Variants in NLGN4X observed in about 807,000 individuals in gnomAD.
The protein encoded by NLGN4X is neuroligin-4, X-linked.
NLGN4X carries 3 observed loss-of-function variants against 40.3 expected under a neutral mutation model. The observed-to-expected ratio is 0.07, with a 90% CI of 0.03 to 0.19. The LOEUF is 0.19. Among genes scored for constraint, NLGN4X ranks in the 10% least tolerant of loss-of-function variants. The probability of loss-of-function intolerance (pLI) is 1.00; values close to 1 mark genes in which losing one functional copy is unlikely to be tolerated. For synonymous variants in NLGN4X, 270 were observed against 306.8 expected, an observed-to-expected ratio of 0.88 and a Z score of 1.25; for missense variants, 382 against 708.3, an observed-to-expected ratio of 0.54 and a Z score of 5.23.
chrX:6,200,486 G>A (rs1444723434), intron 1 of NLGN4X, among the ~76,000 whole-genome samples: 4 of 110,710 alleles, frequency 3.6e-5, no homozygotes, highest in Non-Finnish European at 7.6e-5. Flanking sequence ...GAGGCTTACT[G>A]TATAAAAGTG....
At chrX:6,150,293 G>A (rs5961408) in intron 2 of NLGN4X, among the ~76,000 whole-genome samples, 8,650 of 111,666 alleles carry the variant, frequency 0.077, 240 homozygotes, top group East Asian at 0.15. Context: ...TATATTAAAC[G>A]TTATTGTGTC....
intron 2 of NLGN4X, among the ~76,000 whole-genome samples, chrX:6,084,528 A>G (rs2038448637): frequency 9.0e-6 from 1 of 111,716 alleles, no homozygotes; most frequent in South Asian, 3.7e-4. Flanking sequence ...AGATATAATG[A>G]AAACAAAAAA....
At chrX:6,027,652 GA>G (rs34369385) in intron 3 of NLGN4X, among the ~76,000 whole-genome samples, 18,792 of 99,397 alleles carry the variant, frequency 0.19, 1,317 homozygotes, top group African/African-American at 0.2. Flanking sequence ...TTTCACATAG[GA>G]AAAAAAAAAA....
At chrX:6,050,769 G>GTCCATCTATCTA (rs1226839921) in intron 2 of NLGN4X, among the ~76,000 whole-genome samples, 1 of 70,119 alleles carries the variant, frequency 1.4e-5, no homozygotes, top group African/African-American at 5.3e-5. Flanking sequence ...ATGTCTGTCT[G>GTCCATCTATCTA]TCTGTCCATC....
intron 5 of NLGN4X, among the ~76,000 whole-genome samples, chrX:5,901,747 T>C (rs2031880462): frequency 9.2e-6 from 1 of 108,692 alleles, no homozygotes; most frequent in Non-Finnish European, 1.9e-5. Flanking sequence ...TCTAGTTATT[T>C]ATATAGCAGA....
At chrX:5,940,191 C>A (rs1390936876) in intron 3 of NLGN4X, among the ~76,000 whole-genome samples, 1 of 111,487 alleles carries the variant, frequency 9.0e-6, no homozygotes, top group African/African-American at 3.3e-5. Context: ...ATTTCTGATA[C>A]TGGCTTATTG....
intron 2 of NLGN4X, among the ~76,000 whole-genome samples, chrX:6,032,309 A>T (rs1363131760): frequency 2.0e-5 from 2 of 99,494 alleles, no homozygotes; most frequent in African/African-American, 7.2e-5. Flanking sequence ...CAAAGCTCCA[A>T]AGTAGTATAT....
intron 1 of NLGN4X, among the ~76,000 whole-genome samples, chrX:6,159,299 T>C (rs1325500005): frequency 8.9e-6 from 1 of 111,845 alleles, no homozygotes. Context: ...ACAGTGGGAA[T>C]GTTCTCTTTC....
intron 1 of NLGN4X, among the ~76,000 whole-genome samples, chrX:6,219,397 C>T (rs1418221741): frequency 1.5e-5 from 1 of 65,783 alleles, no homozygotes; most frequent in Non-Finnish European, 2.9e-5. Context: ...TTCTTTCCTT[C>T]TTTCCTTCAT....
chrX:6,037,484 T>C (rs188178373), intron 2 of NLGN4X, among the ~76,000 whole-genome samples: 316 of 111,032 alleles, frequency 2.8e-3, no homozygotes, highest in African/African-American at 9.8e-3. Flanking sequence ...TTGCCACTTA[T>C]GTATCTAAAT....
intron 2 of NLGN4X, among the ~76,000 whole-genome samples, chrX:6,078,418 G>T (rs1171309599): frequency 9.1e-6 from 1 of 109,688 alleles, no homozygotes; most frequent in African/African-American, 3.4e-5. Flanking sequence ...TATGGGTAGT[G>T]GGGGGGTCTT....
Position 6,029,350 on chromosome X carries a change from A to G in NLGN4X, c.555T>C (p.Ile185=). Residue 185 remains isoleucine, a synonymous_variant, in exon 3 of 6, where the codon ATT becomes ATC. Transcript: ENST00000381095. ...CGTAGCTTGCCAAAATGCTGCCGTC[A>G]ATCATGTTGCCGGTGCCCTCCATGT... The part of the protein sequence containing the change: ...GSYMEGTGNM[I]DGSILASYGN... 8.3e-7 allele frequency: 1 copy of G among 1,211,312 alleles called. No homozygotes were observed. The highest frequency in any genetic ancestry group is 1.8e-5 in the South Asian group (1 of 56,988).
In NLGN4X at chrX:6,105,445, C is replaced by T. The variant is rs749803932; in HGVS notation, c.472+45550G>A. ...TAAAGCACAAGCAAAAAAAAAAGTA[C>T]ATTAGATTAGCAAATTTAAAATATA... is the stretch of plus-strand genomic sequence containing the variant. On this transcript the variant is annotated intron_variant, in intron 2 of 5. Transcript: ENST00000381095. 2.2e-3 allele frequency among the ~76,000 whole-genome samples: 246 copies of T among 111,732 alleles called. 1 individual carries two copies. Among genetic ancestry groups the T allele is most frequent in the African/African-American group, 7.8e-3 (240 of 30,786 alleles).
At chrX:6,021,000 T>TTTTCTC (rs1569189854) in intron 3 of NLGN4X, among the ~76,000 whole-genome samples, 5 of 50,359 alleles carry the variant, frequency 9.9e-5, no homozygotes, top group African/African-American at 3.9e-4. Context: ...TCCTTCCTTC[T>TTTTCTC]TTTCTCTCTC....
chrX:6,071,052 C>T (rs770897517), intron 2 of NLGN4X, among the ~76,000 whole-genome samples: 186 of 111,269 alleles, frequency 1.7e-3, no homozygotes, highest in African/African-American at 5.7e-3. Flanking sequence ...CTGCTTGAGC[C>T]CAGGAGGTTG....
chrX:6,187,234 C>G (rs1440847419), intron 1 of NLGN4X, among the ~76,000 whole-genome samples: 13 of 105,466 alleles, frequency 1.2e-4, no homozygotes, highest in African/African-American at 4.2e-4. Context: ...CCGCGCCCGG[C>G]CAACTCCACC....
At chrX:6,181,397 ATTAAT>A (rs1921437299) in intron 1 of NLGN4X, among the ~76,000 whole-genome samples, 1 of 112,184 alleles carries the variant, frequency 8.9e-6, no homozygotes, top group Non-Finnish European at 1.9e-5. Flanking sequence ...TGGTAATATT[ATTAAT>A]TTAATAAATA....
chrX:6,225,002 A>ATATATATATAT (rs1178442835), intron 1 of NLGN4X, among the ~76,000 whole-genome samples: 3 of 55,819 alleles, frequency 5.4e-5, no homozygotes, highest in African/African-American at 2.1e-4. Flanking sequence ...ATATATATAT[A>ATATATATATAT]TATATATATA....
intron 3 of NLGN4X, among the ~76,000 whole-genome samples, chrX:5,955,674 T>A (rs958520990): frequency 4.6e-4 from 50 of 108,103 alleles, no homozygotes; most frequent in African/African-American, 1.6e-3. Flanking sequence ...TTAAGAAGTA[T>A]TTTTTTTTCA....
Sources: allele counts gnomAD v4.1 joint callset (sites outside exome capture counted in the v4.1 genomes callset), GRCh38; gene constraint gnomAD v4.1.1; transcripts MANE v1.5; gene names NCBI Gene and HGNC (gene_info 2026-07-23, HGNC 2026-07-21).